DOCK1: variants seen among roughly 807,000 people sequenced by gnomAD.
DOCK1 encodes the protein dedicator of cytokinesis protein 1.
Under a neutral mutation model 262.7 loss-of-function variants are expected in DOCK1, and 138 were observed. The observed-to-expected ratio is 0.53, with a 90% CI of 0.46 to 0.61. The LOEUF (loss-of-function observed/expected upper bound fraction) is 0.61, where lower values mean the gene tolerates loss of function less well. Ranked by LOEUF, DOCK1 falls within the 20% of genes least tolerant of loss-of-function variation. The probability of loss-of-function intolerance (pLI) is 0.00; values close to 1 mark genes in which losing one functional copy is unlikely to be tolerated. For synonymous variants in DOCK1, 866 were observed against 867.4 expected, an observed-to-expected ratio of 1.00 and a Z score of 0.03; for missense variants, 1,908 against 2,370.7, an observed-to-expected ratio of 0.80 and a Z score of 4.05.
intron 43 of DOCK1, among the ~76,000 whole-genome samples, chr10:127,411,462 C>G (rs2067842037): frequency 1.3e-5 from 2 of 152,160 alleles, no homozygotes; most frequent in South Asian, 2.1e-4. Context: ...GGGGACCATC[C>G]AGTGCATCCA....
In DOCK1 at chr10:126,948,348, G is replaced by T. The variant is rs1396871168; in HGVS notation, c.47-22354G>T. Among the ~76,000 whole-genome samples the T allele has an allele frequency of 6.4e-4, 36 of 56,526 alleles. 3 individuals carry two copies. The highest frequency in any genetic ancestry group is 1.1e-3 in the Non-Finnish European group (30 of 28,378). 37.1% of individuals were successfully genotyped at this position (56,526 alleles called of 152,430 possible). ...GTGGTTGGTAGTATTACTGTTGGTG[G>T]TGATGGTGGTGGTTGGTAGTATTAC... On this transcript the variant is annotated intron_variant, in intron 1 of 51. Transcript: ENST00000623213.
chr10:127,192,055 T>C (rs1233688691), intron 27 of DOCK1, among the ~76,000 whole-genome samples: 2 of 152,230 alleles, frequency 1.3e-5, no homozygotes, highest in African/African-American at 2.4e-5. Context: ...CATTTTGATA[T>C]GGTGGGGTTT....
At chr10:127,245,602 T>C (rs1207829321) in intron 27 of DOCK1, among the ~76,000 whole-genome samples, 4 of 152,226 alleles carry the variant, frequency 2.6e-5, no homozygotes, top group Non-Finnish European at 4.4e-5. Context: ...TACAACGGTT[T>C]TGGCATTTGT....
rs763260338 is a variant in DOCK1, at chr10:127,125,506, G to C, written c.2656G>C (p.Asp886His). ...AGAGATCCTGCTTCCCATGATGACCGATCAGCTCAAGTACCATCTGGAGAG... is the reference window on the plus strand; with the variant it reads ...AGAGATCCTGCTTCCCATGATGACCCATCAGCTCAAGTACCATCTGGAGAG... ...CREILLPMMT[D>H]QLKYHLERQE... The change falls in exon 26 of 52, where the codon GAT (aspartate) becomes CAT (histidine). Residue 886 changes from aspartate (D) to histidine (H), a missense_variant. By Grantham distance (81) the Asp-to-His change is moderately conservative (BLOSUM62 -1). Coordinates refer to ENST00000623213, the MANE Select transcript of DOCK1 (RefSeq NM_001290223.2). 2.5e-6 allele frequency: 4 copies of C among 1,613,520 alleles called. No individual in the cohort carries two copies. Among genetic ancestry groups the C allele is most frequent in the East Asian group, 2.2e-5 (1 of 44,874 alleles).
rs545876978 is a variant in DOCK1, at chr10:127,251,274, C to T, written c.2949+3165C>T. ...GATTACAGGCATGAGCCACCACGCCCGGCTTACTCTGACAACTATTAAATA... is the reference window on the plus strand; with the variant it reads ...GATTACAGGCATGAGCCACCACGCCTGGCTTACTCTGACAACTATTAAATA... On this transcript the variant is annotated intron_variant, in intron 28 of 51. Coordinates refer to ENST00000623213, the MANE Select transcript of DOCK1 (RefSeq NM_001290223.2). 6.6e-5 allele frequency among the ~76,000 whole-genome samples: 10 copies of T among 152,156 alleles called. No individual in the cohort carries two copies. The South Asian group carries it at 1.2e-3, about 19-fold the overall frequency.
At chr10:127,413,211 G>A (rs1208628647) in intron 43 of DOCK1, among the ~76,000 whole-genome samples, 1 of 152,236 alleles carries the variant, frequency 6.6e-6, no homozygotes, top group Non-Finnish European at 1.5e-5. Flanking sequence ...GGTCAAGTGA[G>A]CCACTGGAGG....
rs2046539252 is a variant in DOCK1 at position 127,076,297 on chromosome 10, CAA to C, written c.2445+14522_2445+14523del. Among the ~76,000 whole-genome samples, 2 of 152,152 alleles carry C rather than the reference CAA, an allele frequency of 1.3e-5. 1 individual carries two copies. The highest frequency in any genetic ancestry group is 2.9e-5 in the Non-Finnish European group (2 of 68,028). Reference sequence around the variant, plus strand: ...TGGGCGGATCACAAGGTCAGTAGATCAAGACCATCCTGGCTAACACGGTGAAA... The same window carrying C: ...TGGGCGGATCACAAGGTCAGTAGATCGACCATCCTGGCTAACACGGTGAAA... On this transcript the variant is annotated intron_variant, in intron 23 of 51. Transcript: ENST00000623213.
chr10:127,140,077 C>T (rs973210026), intron 27 of DOCK1, among the ~76,000 whole-genome samples: 121 of 152,192 alleles, frequency 8.0e-4, no homozygotes, highest in African/African-American at 2.8e-3. Flanking sequence ...TTCTCCAGAT[C>T]GTAACCGTTT....
intron 23 of DOCK1, among the ~76,000 whole-genome samples, chr10:127,071,152 A>G (rs1367530915): frequency 6.6e-6 from 1 of 152,176 alleles, no homozygotes; most frequent in Admixed American, 6.5e-5. Context: ...TGTGGGTCCA[A>G]ATGCTCCCCA....
intron 4 of DOCK1, among the ~76,000 whole-genome samples, chr10:126,985,311 T>A (rs1382834642): frequency 6.6e-6 from 1 of 152,136 alleles, no homozygotes; most frequent in Non-Finnish European, 1.5e-5. Context: ...TCTGCCTTGA[T>A]GCACTTTCCC....
intron 47 of DOCK1, among the ~76,000 whole-genome samples, chr10:127,428,550 GTGTGGATTGGGGTGCCA>G (rs2068980057): frequency 6.7e-6 from 1 of 149,904 alleles, no homozygotes; most frequent in African/African-American, 2.5e-5. Flanking sequence ...TTGTGGTGTT[GTGTGGATTGGGGTGCCA>G]TGTGGATTGT....
chr10:127,159,286 A>T (rs1589695187), intron 27 of DOCK1, among the ~76,000 whole-genome samples: 1 of 152,116 alleles, frequency 6.6e-6, no homozygotes, highest in Admixed American at 6.5e-5. Context: ...GGCTTACAGA[A>T]CACAGCGTGG....
chr10:127,008,172 A>T (rs2041175570), intron 10 of DOCK1, among the ~76,000 whole-genome samples: 1 of 152,080 alleles, frequency 6.6e-6, no homozygotes, highest in South Asian at 2.1e-4. Context: ...AATTCTGTTC[A>T]CTGCAACCTC....
chr10:127,250,482 A>G (rs11016936), intron 28 of DOCK1, among the ~76,000 whole-genome samples: 44,373 of 151,942 alleles, frequency 0.29, 7,365 homozygotes, highest in South Asian at 0.55. Context: ...TTTGTAGACA[A>G]TTTGACTTCC....
chr10:127,174,915 C>A (rs925402496), intron 27 of DOCK1, among the ~76,000 whole-genome samples: 4 of 152,216 alleles, frequency 2.6e-5, no homozygotes, highest in Admixed American at 6.5e-5. Flanking sequence ...ATATCATAAA[C>A]CTTTAGCCCT....
At position 127,439,180 on chromosome 10, in the gene DOCK1, C is replaced by T. The variant is rs1330316091; in HGVS notation, c.5214C>T (p.Thr1738=). ...QEIFEKEFKP[T]DISLQQSEAV... ...TATTTGAGAAAGAATTTAAACCCAC[C>T]GACATTTCCCTGCAGCAGTCTGAGG... The change falls in exon 49 of 52, where the codon ACC becomes ACT. Residue 1738 remains threonine (T), a synonymous_variant. Transcript: ENST00000623213. 12 of 1,611,546 alleles carry T rather than the reference C, an allele frequency of 7.4e-6. No homozygotes were observed. Among genetic ancestry groups the T allele is most frequent in the African/African-American group, 6.7e-5 (5 of 74,886 alleles).
At position 127,440,557 on chromosome 10, in the gene DOCK1, C is replaced by T. The variant is rs868307507; in HGVS notation, c.5259+1332C>T. On this transcript the variant is annotated intron_variant, in intron 49 of 51. Coordinates refer to ENST00000623213, the MANE Select transcript of DOCK1 (RefSeq NM_001290223.2). The stretch of plus-strand genomic sequence containing the variant: ...GGTGTCTGCTTGTCTCAGCCCTGGG[C>T]GTCGGCGGGCTGTGATTAGAGGGTT... Among the ~76,000 whole-genome samples, 46 of 152,282 alleles carry T rather than the reference C, an allele frequency of 3.0e-4. 1 individual carries two copies. In the Middle Eastern group the frequency reaches 0.014, roughly 45 times the overall value.
Position 127,444,363 on chromosome 10 carries a change from C to T in DOCK1, c.5413+84C>T, listed in dbSNP as rs948470126. On this transcript the variant is annotated intron_variant, in intron 50 of 51. Coordinates refer to ENST00000623213, the MANE Select transcript of DOCK1 (RefSeq NM_001290223.2). Reference sequence around the variant, plus strand: ...GAAGGCTCTGAGGTTAGAAGCGCTTCCTCCCTCCCCTTGCAGCAGAGGGTG... The same window carrying T: ...GAAGGCTCTGAGGTTAGAAGCGCTTTCTCCCTCCCCTTGCAGCAGAGGGTG... 10 of 1,442,544 alleles carry T rather than the reference C, an allele frequency of 6.9e-6. No homozygotes were observed. In the African/African-American group the frequency reaches 1.1e-4, roughly 17 times the overall value. The allele number at this position is 1,442,544 out of a possible 1,614,324, so 89.4% of individuals were successfully genotyped here.
intron 27 of DOCK1, among the ~76,000 whole-genome samples, chr10:127,139,040 C>T (rs776053339): frequency 6.6e-6 from 1 of 152,144 alleles, no homozygotes; most frequent in African/African-American, 2.4e-5. Flanking sequence ...GGGACCTCTG[C>T]GTTCTGGGCC....
Sources: allele counts gnomAD v4.1 joint callset (sites outside exome capture counted in the v4.1 genomes callset), GRCh38; gene constraint gnomAD v4.1.1; transcripts MANE v1.5; gene names NCBI Gene and HGNC (gene_info 2026-07-23, HGNC 2026-07-21).